The following SLC16A7 variants were observed in gnomAD, a reference collection of about 807,000 sequenced individuals.
The protein encoded by SLC16A7 is monocarboxylate transporter 2.
A neutral mutation model predicts 34.9 loss-of-function variants in SLC16A7; 33 were observed. That is an observed-to-expected ratio of 0.94 (90% CI 0.72 to 1.26). SLC16A7 has a LOEUF of 1.26. Ranked by LOEUF, SLC16A7 falls within the 50% of genes most tolerant of loss-of-function variation. The probability of loss-of-function intolerance (pLI) is 0.00; values close to 1 mark genes in which losing one functional copy is unlikely to be tolerated. For synonymous variants in SLC16A7, 201 were observed against 206.6 expected (o/e 0.97, Z 0.23); for missense variants, 573 against 578.1 (o/e 0.99, Z 0.09).
chr12:59,652,121 C>T (rs1195615041), intron 1 of SLC16A7, among the ~76,000 whole-genome samples: 13 of 151,742 alleles, frequency 8.6e-5, no homozygotes, highest in Non-Finnish European at 1.8e-4. Context: ...TTAAATATTC[C>T]TTTTAGATTT....
At chr12:59,717,880 AT>A (rs1235477473) in intron 3 of SLC16A7, among the ~76,000 whole-genome samples, 2 of 152,002 alleles carry the variant, frequency 1.3e-5, no homozygotes, top group East Asian at 1.9e-4. Context: ...TTATATTTAG[AT>A]TTTTTTTCTA....
intron 2 of SLC16A7, among the ~76,000 whole-genome samples, chr12:59,671,047 T>G (rs1185866799): frequency 6.6e-6 from 1 of 152,194 alleles, no homozygotes; most frequent in African/African-American, 2.4e-5. Flanking sequence ...GTGCAATTCA[T>G]GAAGGTCCAA....
rs1883783597 is a variant in SLC16A7, at chr12:59,788,628, CCTT to C, written c.*8953_*8955del. On this transcript the variant is annotated 3_prime_UTR_variant, in exon 6 of 6. Transcript: ENST00000547379. ...CAAAGTTTTAAAATATAAGATAGAA[CCTT>C]CTTTTTTTGCCTTCTTACACATGAA... 6.6e-6 allele frequency: 1 copy of C among 151,740 alleles called. No individual in the cohort carries two copies. The highest frequency in any genetic ancestry group is 2.4e-5 in the African/African-American group (1 of 41,342). 9.4% of individuals were successfully genotyped at this position (151,740 alleles called of 1,614,324 possible). A position where few individuals can be genotyped will look rare whatever the true frequency, so the allele number is the denominator to read the frequency against.
intron 3 of SLC16A7, among the ~76,000 whole-genome samples, chr12:59,715,708 T>C (rs2137182387): frequency 6.6e-6 from 1 of 152,266 alleles, no homozygotes; most frequent in African/African-American, 2.4e-5. Flanking sequence ...AGAGTATTGA[T>C]TTTAAGGTTA....
chr12:59,625,996 C>T (rs1565622849), intron 1 of SLC16A7, among the ~76,000 whole-genome samples: 1 of 151,736 alleles, frequency 6.6e-6, no homozygotes, highest in African/African-American at 2.4e-5. Context: ...TGTGTAACAT[C>T]TAAAATTTTT....
intron 1 of SLC16A7, among the ~76,000 whole-genome samples, chr12:59,600,991 A>G (rs1487617312): frequency 1.3e-5 from 2 of 152,162 alleles, no homozygotes; most frequent in African/African-American, 4.8e-5. Context: ...TTCCACAAAA[A>G]TGTCTGTATG....
At chr12:59,778,809 C>G (rs184007844) in intron 5 of SLC16A7, among the ~76,000 whole-genome samples, 6 of 152,214 alleles carry the variant, frequency 3.9e-5, no homozygotes, top group Admixed American at 3.3e-4. Context: ...TGAGTACAGA[C>G]AGACCTCAGT....
chr12:59,710,749 T>G (rs1296200189), intron 3 of SLC16A7, among the ~76,000 whole-genome samples: 1 of 152,176 alleles, frequency 6.6e-6, no homozygotes, highest in Non-Finnish European at 1.5e-5. Flanking sequence ...TGTTATTATA[T>G]CATTACTCAC....
At chr12:59,655,842 A>G (rs1238467776) in intron 2 of SLC16A7, among the ~76,000 whole-genome samples, 1 of 151,918 alleles carries the variant, frequency 6.6e-6, no homozygotes, top group Non-Finnish European at 1.5e-5. Context: ...TGTGCAGATG[A>G]GAAAACTGAT....
chr12:59,641,243 C>A (rs1880672426), intron 1 of SLC16A7, among the ~76,000 whole-genome samples: 1 of 151,952 alleles, frequency 6.6e-6, no homozygotes, highest in Non-Finnish European at 1.5e-5. Context: ...ATGTCTTATT[C>A]TTATAATCCT....
intron 2 of SLC16A7, among the ~76,000 whole-genome samples, chr12:59,671,821 G>GTATATGTATATATGTATATATGTGTATA (rs1378935716): frequency 7.3e-6 from 1 of 137,116 alleles, no homozygotes; most frequent in East Asian, 2.1e-4. Context: ...ATATATATGT[G>GTATATGTATATATGTATATATGTGTATA]TATATGTATA....
At chr12:59,691,520 G>T (rs1423156597) in intron 2 of SLC16A7, among the ~76,000 whole-genome samples, 1 of 151,940 alleles carries the variant, frequency 6.6e-6, no homozygotes, top group Admixed American at 6.6e-5. Context: ...TGGGGAAGAG[G>T]GGCTGGGCTG....
intron 1 of SLC16A7, among the ~76,000 whole-genome samples, chr12:59,642,808 T>C (rs1280352589): frequency 1.3e-5 from 2 of 152,108 alleles, no homozygotes; most frequent in Non-Finnish European, 2.9e-5. Context: ...TCAGTTGAGA[T>C]AGATTCCATA....
rs533537991 is a variant in SLC16A7, at chr12:59,755,430, C to T, written c.218-15789C>T. On this transcript the variant is annotated intron_variant, in intron 3 of 5. Coordinates refer to ENST00000547379, the MANE Select transcript of SLC16A7 (RefSeq NM_001270623.2). ...AGTCTCAGGATAGAAAATTAATGTA[C>T]AAAAATCACAAGCATTCTTATATAC... Among the ~76,000 whole-genome samples the T allele has an allele frequency of 2.0e-3, 302 of 152,238 alleles. 1 individual carries two copies. Among genetic ancestry groups the T allele is most frequent in the African/African-American group, 7.0e-3 (292 of 41,540 alleles).
intron 1 of SLC16A7, among the ~76,000 whole-genome samples, chr12:59,649,333 C>T (rs547260353): frequency 9.9e-5 from 15 of 152,044 alleles, no homozygotes; most frequent in Admixed American, 2.6e-4. Context: ...CGAGGGATTG[C>T]GAAAGAGGAT....
In SLC16A7 at chr12:59,782,836, A is replaced by C. The variant is rs906179124; in HGVS notation, c.*3157A>C. 6.6e-6 allele frequency: 1 copy of C among 152,206 alleles called. No individual in the cohort carries two copies. Among genetic ancestry groups the C allele is most frequent in the Admixed American group, 6.6e-5 (1 of 15,266 alleles). The allele number at this position is 152,206 out of a possible 1,614,324, so 9.4% of individuals were successfully genotyped here. A position where few individuals can be genotyped will look rare whatever the true frequency, so the allele number is the denominator to read the frequency against. On this transcript the variant is annotated 3_prime_UTR_variant, in exon 6 of 6. Transcript: ENST00000547379. ...AGTGTATTTCACATTGGAAGACATG[A>C]TGTTTTCTCAGTATAAATCTACAGG...
At chr12:59,690,552 T>C (rs181481251) in intron 2 of SLC16A7, among the ~76,000 whole-genome samples, 1 of 152,116 alleles carries the variant, frequency 6.6e-6, no homozygotes, top group Admixed American at 6.6e-5. Flanking sequence ...GGGCCAGTTA[T>C]GTGGAGATGC....
At chr12:59,714,474 G>A (rs1321343584) in intron 3 of SLC16A7, among the ~76,000 whole-genome samples, 1 of 152,010 alleles carries the variant, frequency 6.6e-6, no homozygotes, top group African/African-American at 2.4e-5. Context: ...TCTCTCTTCG[G>A]CTTGTTAGAT....
chr12:59,739,760 A>C (rs908122361), intron 3 of SLC16A7, among the ~76,000 whole-genome samples: 2 of 152,068 alleles, frequency 1.3e-5, no homozygotes, highest in Non-Finnish European at 2.9e-5. Context: ...ATGGTATCTC[A>C]TTGTGGTTTA....
Sources: allele counts gnomAD v4.1 joint callset (sites outside exome capture counted in the v4.1 genomes callset), GRCh38; gene constraint gnomAD v4.1.1; transcripts MANE v1.5; gene names NCBI Gene and HGNC (gene_info 2026-07-23, HGNC 2026-07-21).